Variants in TEAD1 observed in about 807,000 individuals in gnomAD.
TEAD1 encodes the protein transcriptional enhancer factor TEF-1.
TEAD1 carries 9 observed loss-of-function variants against 54.9 expected under a neutral mutation model. The observed-to-expected ratio is 0.16, with a 90% CI of 0.10 to 0.29. TEAD1 has a LOEUF of 0.29. Ranked by LOEUF, TEAD1 falls within the 10% of genes least tolerant of loss-of-function variation. The pLI, the probability that TEAD1 is intolerant of heterozygous loss-of-function variation, is 1.00. For missense variants in TEAD1, 387 were observed against 535.9 expected, an observed-to-expected ratio of 0.72 and a Z score of 2.74; for synonymous variants, 200 against 187.8, an observed-to-expected ratio of 1.07 and a Z score of -0.53.
chr11:12,717,344 C>G (rs1944087054), intron 2 of TEAD1, among the ~76,000 whole-genome samples: 2 of 152,120 alleles, frequency 1.3e-5, no homozygotes, highest in South Asian at 4.1e-4. Flanking sequence ...AAACATGAGT[C>G]AGGAGGCAGG....
At chr11:12,844,254 T>TCC (rs1947095674) in intron 3 of TEAD1, among the ~76,000 whole-genome samples, 1 of 152,190 alleles carries the variant, frequency 6.6e-6, no homozygotes, top group Non-Finnish European at 1.5e-5. Context: ...CAAATTTTAA[T>TCC]CCAAGGTTAA....
rs1686774981 is a variant in TEAD1, at chr11:12,940,724, GTC to G, written c.*3505_*3506del. The G allele has an allele frequency of 6.6e-6, 1 of 152,124 alleles. No individual in the cohort carries two copies. Among genetic ancestry groups the G allele is most frequent in the Non-Finnish European group, 1.5e-5 (1 of 68,018 alleles). 9.4% of individuals were successfully genotyped at this position (152,124 alleles called of 1,614,324 possible). On this transcript the variant is annotated 3_prime_UTR_variant, in exon 13 of 13. Coordinates refer to ENST00000527636, the MANE Select transcript of TEAD1 (RefSeq NM_021961.6). Reference sequence around the variant, plus strand: ...CCTTAGTTTACTGGCGTTAAAAAAAGTCTCAGCAATTTTCATTATTTCTCGTG... The same window carrying G: ...CCTTAGTTTACTGGCGTTAAAAAAAGTCAGCAATTTTCATTATTTCTCGTG...
intron 10 of TEAD1, among the ~76,000 whole-genome samples, chr11:12,920,376 G>A (rs530270623): frequency 2.0e-5 from 3 of 152,172 alleles, no homozygotes; most frequent in Non-Finnish European, 4.4e-5. Context: ...TATTTTTTCT[G>A]TTTTAAGGTT....
Position 12,792,182 on chromosome 11 carries a change from T to C in TEAD1, c.202+27748T>C, listed in dbSNP as rs896375510. ...AGTACCAAAATAAGACAAAAATGAG[T>C]AAGTGTTTTTAAGGGAGATTTCCCT... On this transcript the variant is annotated intron_variant, in intron 3 of 12. Coordinates refer to ENST00000527636, the MANE Select transcript of TEAD1 (RefSeq NM_021961.6). Among the ~76,000 whole-genome samples the C allele has an allele frequency of 2.0e-5, 3 of 151,870 alleles. No individual in the cohort carries two copies. The East Asian group carries it at 5.8e-4, about 29-fold the overall frequency.
At chr11:12,841,184 G>A (rs1947032340) in intron 3 of TEAD1, among the ~76,000 whole-genome samples, 1 of 152,212 alleles carries the variant, frequency 6.6e-6, no homozygotes, top group African/African-American at 2.4e-5. Context: ...AAAATATGTA[G>A]CCTCTGTGGC....
intron 5 of TEAD1, among the ~76,000 whole-genome samples, chr11:12,868,339 A>G (rs1947667594): frequency 6.6e-6 from 1 of 152,232 alleles, no homozygotes; most frequent in Non-Finnish European, 1.5e-5. Context: ...GGCAGAAGGA[A>G]AAGGAGGTGT....
intron 3 of TEAD1, among the ~76,000 whole-genome samples, chr11:12,846,713 C>G (rs1947159869): frequency 6.6e-6 from 1 of 152,076 alleles, no homozygotes. Flanking sequence ...ATTTGTTTTT[C>G]TCAATTAAAT....
intron 3 of TEAD1, among the ~76,000 whole-genome samples, chr11:12,837,848 G>C (rs1343290413): frequency 7.1e-6 from 1 of 140,234 alleles, no homozygotes; most frequent in Non-Finnish European, 1.5e-5. Flanking sequence ...TGTTGCCCAG[G>C]CTAGAGTGCA....
chr11:12,848,563 T>C (rs1590209376), intron 3 of TEAD1, among the ~76,000 whole-genome samples: 1 of 152,208 alleles, frequency 6.6e-6, no homozygotes, highest in Admixed American at 6.5e-5. Flanking sequence ...GCAAGTTTCT[T>C]AACTTCTTTG....
At chr11:12,710,185 G>A (rs1044679151) in intron 2 of TEAD1, among the ~76,000 whole-genome samples, 1 of 151,994 alleles carries the variant, frequency 6.6e-6, no homozygotes, top group Non-Finnish European at 1.5e-5. Context: ...TTAGCCAGGC[G>A]TGATGCTTCA....
intron 5 of TEAD1, among the ~76,000 whole-genome samples, chr11:12,878,227 A>AG (rs527512100): frequency 8.6e-4 from 131 of 152,312 alleles, no homozygotes; most frequent in African/African-American, 3.0e-3. Context: ...GGGAACACCT[A>AG]GCACATCTTT....
intron 3 of TEAD1, among the ~76,000 whole-genome samples, chr11:12,860,397 C>G (rs1947474697): frequency 6.6e-6 from 1 of 152,174 alleles, no homozygotes; most frequent in Admixed American, 6.5e-5. Context: ...TTTCATGATT[C>G]CTTTGCCTTC....
At chr11:12,918,264 G>A (rs1002450673) in intron 10 of TEAD1, among the ~76,000 whole-genome samples, 2 of 151,196 alleles carry the variant, frequency 1.3e-5, no homozygotes, top group African/African-American at 4.9e-5. Context: ...TTCAGTGACT[G>A]CATTTCTTTC....
intron 4 of TEAD1, 115 bp downstream of exon 4, chr11:12,862,429 A>G (rs1402916598): frequency 2.3e-6 from 2 of 860,026 alleles, no homozygotes; most frequent in East Asian, 2.5e-5. Context: ...AGTTCCCTGT[A>G]AGGACGTCAG....
chr11:12,822,218 T>A (rs1468414241), intron 3 of TEAD1, among the ~76,000 whole-genome samples: 1 of 152,104 alleles, frequency 6.6e-6, no homozygotes, highest in Non-Finnish European at 1.5e-5. Flanking sequence ...CGCCTCGGCC[T>A]CCCGAAGTGT....
chr11:12,943,558 C>G lies in TEAD1; in HGVS notation c.*6336C>G, dbSNP rs1949179775. 1 of 152,356 alleles carries G rather than the reference C, an allele frequency of 6.6e-6. No individual in the cohort carries two copies. Among genetic ancestry groups the G allele is most frequent in the African/African-American group, 2.4e-5 (1 of 41,464 alleles). The allele number at this position is 152,356 out of a possible 1,614,324, so 9.4% of individuals were successfully genotyped here. The stretch of plus-strand genomic sequence containing the variant: ...GCATTGAGTCACTCATGCTACACTA[C>G]ATCGCTTTAGTATTTGAGATGGCAT... On this transcript the variant is annotated 3_prime_UTR_variant, in exon 13 of 13. Coordinates refer to ENST00000527636, the MANE Select transcript of TEAD1 (RefSeq NM_021961.6).
intron 2 of TEAD1, among the ~76,000 whole-genome samples, chr11:12,745,157 G>T (rs751673121): frequency 1.3e-5 from 2 of 152,294 alleles, no homozygotes; most frequent in East Asian, 3.9e-4. Context: ...GACCAGGCAC[G>T]CTGAACAAGC....
At chr11:12,830,941 G>A (rs577865765) in intron 3 of TEAD1, among the ~76,000 whole-genome samples, 3 of 152,150 alleles carry the variant, frequency 2.0e-5, no homozygotes, top group South Asian at 2.1e-4. Context: ...CTGGGTTTAC[G>A]GACAGGCCCT....
At chr11:12,691,212 AC>A (rs1943451001) in intron 2 of TEAD1, among the ~76,000 whole-genome samples, 1 of 152,128 alleles carries the variant, frequency 6.6e-6, no homozygotes, top group South Asian at 2.1e-4. Flanking sequence ...TCCTCCTCTT[AC>A]TGATGCTCAA....
Sources: allele counts gnomAD v4.1 joint callset (sites outside exome capture counted in the v4.1 genomes callset), GRCh38; gene constraint gnomAD v4.1.1; transcripts MANE v1.5; gene names NCBI Gene and HGNC (gene_info 2026-07-23, HGNC 2026-07-21).